IFI16: variants seen among roughly 807,000 people sequenced by gnomAD.
The protein encoded by IFI16 is gamma-interferon-inducible protein 16.
IFI16 carries 49 observed loss-of-function variants against 68.4 expected under a neutral mutation model. That is an observed-to-expected ratio of 0.72 (90% confidence interval 0.57 to 0.91). The LOEUF is 0.91. IFI16 is among the 40% of genes least tolerant of loss of function. IFI16 has a pLI of 0.00. For missense variants in IFI16, 878 were observed against 942.9 expected (o/e 0.93, Z 0.90); for synonymous variants, 307 against 315.0 (o/e 0.97, Z 0.27).
intron 7 of IFI16, among the ~76,000 whole-genome samples, chr1:159,038,211 G>C (rs1228443687): frequency 6.6e-6 from 1 of 152,108 alleles, no homozygotes; most frequent in Non-Finnish European, 1.5e-5. Flanking sequence ...CATATATGTA[G>C]TGTTGAATTT....
intron 6 of IFI16, among the ~76,000 whole-genome samples, chr1:159,021,589 C>G (rs1479275887): frequency 6.6e-6 from 1 of 152,046 alleles, no homozygotes; most frequent in Non-Finnish European, 1.5e-5. Context: ...TTTTTGTATA[C>G]TGACTTCTTT....
chr1:159,018,171 C>A, intron 4 of IFI16, 58 bp from the exon 5 acceptor site: 11 of 1,419,742 alleles, frequency 7.7e-6, no homozygotes, highest in Non-Finnish European at 1.1e-5. Context: ...CACTGAATAG[C>A]AGTTCTGTAT....
chr1:159,037,564 T>A (rs1654402342), intron 7 of IFI16, among the ~76,000 whole-genome samples: 1 of 152,224 alleles, frequency 6.6e-6, no homozygotes, highest in African/African-American at 2.4e-5. Context: ...TAGCAGGGAT[T>A]ATTTACTATG....
intron 1 of IFI16, among the ~76,000 whole-genome samples, chr1:159,011,799 A>G (rs1652582952): frequency 6.6e-6 from 1 of 152,144 alleles, no homozygotes; most frequent in African/African-American, 2.4e-5. Context: ...TTAACAATAT[A>G]TATGTAGATT....
rs780169312 is a variant in IFI16 at position 159,049,481 on chromosome 1, T to C, written c.1547T>C (p.Ile516Thr). Residue 516 changes from isoleucine to threonine, a missense_variant, in exon 9 of 12, where the codon ATA becomes ACA. By Grantham distance (89) the Ile-to-Thr change is moderately conservative. Around this residue, in one of 4 missense-constraint regions of IFI16, gnomAD observed 59 missense variants for 119.0 expected, o/e 0.50. Transcript: ENST00000295809. The part of the protein sequence containing the change: ...SKMNDFMRMQ[I>T]LKEGSHFPGP... ...ATGAATGACTTCATGAGGATGCAGA[T>C]ACTGAAGGAAGGGAGTCATTTTCCA... 4 of 1,557,490 alleles carry C rather than the reference T, an allele frequency of 2.6e-6. No individual in the cohort carries two copies. The highest frequency in any genetic ancestry group is 3.5e-6 in the Non-Finnish European group (4 of 1,134,942).
At chr1:159,004,318 A>G (rs1304534790), upstream of IFI16, among the ~76,000 whole-genome samples, 1 of 151,992 alleles carries the variant, frequency 6.6e-6, no homozygotes, top group African/African-American at 2.4e-5. Context: ...CAAAAGAAAA[A>G]AAAAAGGTTA....
rs1466360833 is a variant in IFI16 at position 159,011,638 on chromosome 1, CAT to C, written c.-21+1479_-21+1480del. ...AAATTAGATAAATTCATAACTAAAA[CAT>C]AATTTTCTAGGAGTTGAAACTTTTA... On this transcript the variant is annotated intron_variant, in intron 1 of 11. Transcript: ENST00000295809. 4.0e-5 allele frequency among the ~76,000 whole-genome samples: 5 copies of C among 126,140 alleles called. No individual in the cohort carries two copies. The South Asian group carries it at 1.3e-3, about 34-fold the overall frequency. 82.8% of individuals were successfully genotyped at this position (126,140 alleles called of 152,430 possible).
At chr1:159,027,378 C>T (rs1424165575) in intron 6 of IFI16, among the ~76,000 whole-genome samples, 2 of 152,088 alleles carry the variant, frequency 1.3e-5, no homozygotes, top group Non-Finnish European at 2.9e-5. Flanking sequence ...GGTATGAAAC[C>T]GACTTGATCA....
chr1:159,018,186 C>G, intron 4 of IFI16, 43 bp from the exon 5 acceptor site: 1 of 1,540,594 alleles, frequency 6.5e-7, no homozygotes, highest in South Asian at 1.2e-5. Context: ...CTGTATTTCT[C>G]AATTAGACAT....
upstream of IFI16, among the ~76,000 whole-genome samples, chr1:159,005,521 C>T (rs1172680672): frequency 6.6e-6 from 1 of 152,168 alleles, no homozygotes; most frequent in Admixed American, 6.5e-5. Context: ...AGAGGTCATC[C>T]CTAGAACTAC....
At chr1:159,003,133 A>G (rs541335898), upstream of IFI16, among the ~76,000 whole-genome samples, 16 of 152,344 alleles carry the variant, frequency 1.1e-4, no homozygotes, top group South Asian at 3.1e-3. Context: ...GAGTAATCCA[A>G]CTTCCTATGG....
chr1:159,044,366 T>C (rs1365487814), intron 7 of IFI16, among the ~76,000 whole-genome samples: 1 of 151,578 alleles, frequency 6.6e-6, no homozygotes, highest in Non-Finnish European at 1.5e-5. Context: ...GCAGTTTATT[T>C]TTAAACAATT....
chr1:159,018,460 A>G lies in IFI16; in HGVS notation c.781A>G (p.Ile261Val). Reference protein sequence around the residue: ...EKFNGKKIIIISDYLEYDSLL... With the variant: ...EKFNGKKIIIVSDYLEYDSLL... ...ATTCAATGGAAAGAAAATCATCATC[A>G]TATCAGATTATTTGGAATATGATAG... Residue 261 changes from isoleucine to valine, a missense_variant, in exon 5 of 12, where the codon ATA becomes GTA. Physicochemically the swap from Ile to Val is conservative, Grantham distance 29. Coordinates refer to ENST00000295809, the MANE Select transcript of IFI16 (RefSeq NM_001376587.1). 1.2e-6 allele frequency: 2 copies of G among 1,613,222 alleles called. No individual in the cohort carries two copies. Among genetic ancestry groups the G allele is most frequent in the Non-Finnish European group, 1.7e-6 (2 of 1,179,108 alleles).
At chr1:159,038,178 TCTGTCA>T (rs945103032) in intron 7 of IFI16, among the ~76,000 whole-genome samples, 2 of 152,190 alleles carry the variant, frequency 1.3e-5, no homozygotes, top group Non-Finnish European at 2.9e-5. Flanking sequence ...ATATTAAAAT[TCTGTCA>T]TATATCCATA....
chr1:159,040,121 A>G (rs1042403933), intron 7 of IFI16, among the ~76,000 whole-genome samples: 2 of 152,228 alleles, frequency 1.3e-5, no homozygotes, highest in Non-Finnish European at 2.9e-5. Flanking sequence ...AGAACCCATG[A>G]CGTATGTCAA....
intron 6 of IFI16, among the ~76,000 whole-genome samples, chr1:159,024,032 G>A (rs1653498101): frequency 6.6e-6 from 1 of 152,232 alleles, no homozygotes; most frequent in Non-Finnish European, 1.5e-5. Flanking sequence ...GGTCAATGAG[G>A]AGACCGTCCG....
chr1:159,003,591 A>G (rs1262442240), upstream of IFI16, among the ~76,000 whole-genome samples: 3 of 151,716 alleles, frequency 2.0e-5, no homozygotes, highest in African/African-American at 7.3e-5. Context: ...GAACAAAAAG[A>G]CCAAGGCGAT....
chr1:159,003,817 T>C (rs923814388), upstream of IFI16, among the ~76,000 whole-genome samples: 2 of 151,914 alleles, frequency 1.3e-5, no homozygotes, highest in East Asian at 1.9e-4. Context: ...CCCGCCACCA[T>C]GCCCAGCTAA....
At position 159,051,860 on chromosome 1, in the gene IFI16, T is replaced by C. The variant is rs889581275; in HGVS notation, c.1847T>C (p.Phe616Ser). 2 of 1,613,990 alleles carry C rather than the reference T, an allele frequency of 1.2e-6. No individual in the cohort carries two copies. Among genetic ancestry groups the C allele is most frequent in the African/African-American group, 2.7e-5 (2 of 74,918 alleles). ...AATGAAGTCTTCCGAGTGAAGGTTT[T>C]TAATATTGACCTAAAGGAGAAGTTC... ...TENEVFRVKV[F>S]NIDLKEKFTP... The change falls in exon 10 of 12, where the codon TTT (phenylalanine) becomes TCT (serine). Residue 616 changes from phenylalanine to serine, a missense_variant. By Grantham distance (155) the Phe-to-Ser change is radical. Transcript: ENST00000295809.
Sources: gnomAD v4.1 joint callset for allele counts (sites outside exome capture counted in the v4.1 genomes callset) on GRCh38, gnomAD v4.1.1 for gene constraint, gnomAD v4.1.1 regional missense constraint, MANE v1.5 for transcripts, NCBI Gene and HGNC (gene_info 2026-07-23, HGNC 2026-07-21) for gene names.